TGOLN2: variants seen among roughly 807,000 people sequenced by gnomAD.
TGOLN2 encodes trans-golgi network protein 2.
A neutral mutation model predicts 31.3 loss-of-function variants in TGOLN2; 19 were observed. The observed-to-expected ratio is 0.61, with a 90% CI of 0.42 to 0.89. The LOEUF (loss-of-function observed/expected upper bound fraction) is 0.89. Among genes scored for constraint, TGOLN2 ranks in the 40% least tolerant of loss-of-function variants. TGOLN2 has a pLI of 0.00. For synonymous variants in TGOLN2, 222 were observed against 226.7 expected (o/e 0.98, Z 0.19); for missense variants, 540 against 559.2 (o/e 0.97, Z 0.35).
rs781759237 is a variant in TGOLN2 at position 85,326,647 on chromosome 2, G to A, written c.1085C>T (p.Ser362Phe). ...SENREGTLSD[S>F]TGSEKDDLYP... ...AAGGTCATCCTTCTCGCTACCCGTG[G>A]AATCCGAAAGTGTCCCTTCACGGTT... The change falls in exon 2 of 4, where the codon TCC becomes TTC. Residue 362 changes from serine to phenylalanine, a missense_variant. Coordinates refer to ENST00000377386, the MANE Select transcript of TGOLN2 (RefSeq NM_006464.4). 3.1e-6 allele frequency: 5 copies of A among 1,614,020 alleles called. No individual in the cohort carries two copies. The East Asian group carries it at 1.1e-4, about 36-fold the overall frequency.
At position 85,320,578 on chromosome 2, in the gene TGOLN2, A is replaced by AT. The variant is rs1190622828; in HGVS notation, c.*2157dup. The AT allele has an allele frequency of 6.6e-6, 1 of 152,178 alleles. No homozygotes were observed. The highest frequency in any genetic ancestry group is 1.5e-5 in the Non-Finnish European group (1 of 68,056). 9.4% of individuals were successfully genotyped at this position (152,178 alleles called of 1,614,324 possible). On this transcript the variant is annotated 3_prime_UTR_variant, in exon 4 of 4. Transcript: ENST00000377386. ...ACAGGCTGATGGACAGAAGAGAGAA[A>AT]TTCCTTTCAATGACAACCAAGCTGA...
intron 2 of TGOLN2, among the ~76,000 whole-genome samples, chr2:85,325,791 T>C (rs1682711189): frequency 1.3e-5 from 2 of 152,236 alleles, no homozygotes; most frequent in Admixed American, 1.3e-4. Flanking sequence ...AATGCACATT[T>C]TTACTAAAGG....
rs1682736067 is a variant in TGOLN2, at chr2:85,326,538, GACAGCC to G, written c.1188_1193del (p.Ala397_Val398del). 1 of 1,613,848 alleles carries G rather than the reference GACAGCC, an allele frequency of 6.2e-7. No individual in the cohort carries two copies. The highest frequency in any genetic ancestry group is 8.5e-7 in the Non-Finnish European group (1 of 1,179,878). On this transcript the variant is annotated inframe_deletion, in exon 2 of 4. Transcript: ENST00000377386. The stretch of plus-strand genomic sequence containing the variant: ...GCTTGTTGTGATGAGCGATATAGAG[GACAGCC>G]ACAAGAATGGCTGCAGTCACCAGAT...
chr2:85,326,694 C>T lies in TGOLN2; in HGVS notation c.1038G>A (p.Met346Ile). ...GSPPKEEKEKMSGSASSENRE... is the reference protein window; with the variant it reads ...GSPPKEEKEKISGSASSENRE... ...GGTTCTCACTGGAGGCAGAACCGGA[C>T]ATCTTTTCTTTCTCTTCTTTGGGCG... The change falls in exon 2 of 4, where the codon ATG becomes ATA. Residue 346 changes from methionine (M) to isoleucine (I), a missense_variant. Coordinates refer to ENST00000377386, the MANE Select transcript of TGOLN2 (RefSeq NM_006464.4). 1 of 1,614,052 alleles carries T rather than the reference C, an allele frequency of 6.2e-7. No individual in the cohort carries two copies. The highest frequency in any genetic ancestry group is 8.5e-7 in the Non-Finnish European group (1 of 1,179,896).
In TGOLN2 at chr2:85,319,061, A is replaced by T. The variant is rs926184320; in HGVS notation, c.*3675T>A. On this transcript the variant is annotated 3_prime_UTR_variant, in exon 4 of 4. Transcript: ENST00000377386. Reference sequence around the variant, plus strand: ...GCTTGAGCGATGCCTCAGCCAGCTCACCCTCATCCACACAATCGCTAGAAA... The same window carrying T: ...GCTTGAGCGATGCCTCAGCCAGCTCTCCCTCATCCACACAATCGCTAGAAA... 1.3e-5 allele frequency: 2 copies of T among 152,158 alleles called. No homozygotes were observed. The highest frequency in any genetic ancestry group is 4.8e-5 in the African/African-American group (2 of 41,420). The allele number at this position is 152,158 out of a possible 1,614,324, so 9.4% of individuals were successfully genotyped here. A position where few individuals can be genotyped will look rare whatever the true frequency, so the allele number is the denominator to read the frequency against.
chr2:85,325,975 G>C (rs1682714709), intron 2 of TGOLN2, among the ~76,000 whole-genome samples: 1 of 152,160 alleles, frequency 6.6e-6, no homozygotes, highest in Non-Finnish European at 1.5e-5. Context: ...AAAAGTAACA[G>C]GTGTACGTGT....
rs746848116 is a variant in TGOLN2 at position 85,327,041 on chromosome 2, G to A, written c.691C>T (p.Pro231Ser). 1.9e-6 allele frequency: 3 copies of A among 1,613,348 alleles called. No individual in the cohort carries two copies. Among genetic ancestry groups the A allele is most frequent in the Non-Finnish European group, 2.5e-6 (3 of 1,179,742 alleles). ...SNKSGAEEQG[P>S]IDGPSKSGAE... ...CCCGACTTGCTGGGCCCGTCTATTG[G>A]GCCCTGCTCCTCTGCACCGGACTTG... Residue 231 changes from proline (P) to serine (S), a missense_variant, in exon 2 of 4, where the codon CCA becomes TCA. Pro to Ser is a moderately conservative substitution (Grantham distance 74, BLOSUM62 -1). Coordinates refer to ENST00000377386, the MANE Select transcript of TGOLN2 (RefSeq NM_006464.4).
Position 85,318,510 on chromosome 2 carries a change from G to A in TGOLN2, c.*4226C>T, listed in dbSNP as rs1682444674. ...CTCCCCAGGACTCTTGCTCAAGCAA[G>A]TCACGCCAAATCCAACCTTCCTAAC... On this transcript the variant is annotated 3_prime_UTR_variant, in exon 4 of 4. Coordinates refer to ENST00000377386, the MANE Select transcript of TGOLN2 (RefSeq NM_006464.4). The A allele has an allele frequency of 6.6e-6, 1 of 152,260 alleles. No individual in the cohort carries two copies. The highest frequency in any genetic ancestry group is 1.5e-5 in the Non-Finnish European group (1 of 68,060). The allele number at this position is 152,260 out of a possible 1,614,324, so 9.4% of individuals were successfully genotyped here. A position where few individuals can be genotyped will look rare whatever the true frequency, so the allele number is the denominator to read the frequency against.
At chr2:85,327,780 G>GT in intron 1 of TGOLN2, 95 bp from the exon 2 acceptor site, 8 of 623,798 alleles carry the variant, frequency 1.3e-5, no homozygotes, top group Non-Finnish European at 2.3e-5. Context: ...GGGGAATGGG[G>GT]ATTGGGGGGT....
Position 85,324,113 on chromosome 2 carries a change from CT to C in TGOLN2, c.1308+801del, listed in dbSNP as rs201935479. The stretch of plus-strand genomic sequence containing the variant: ...TGGATCCAGTGGCATTTGGTTTCAC[CT>C]GGGAACTTCCTAAGAATGTAGACAC... On this transcript the variant is annotated intron_variant, in intron 3 of 3. Transcript: ENST00000377386. Among the ~76,000 whole-genome samples, 1,102 of 152,104 alleles carry C rather than the reference CT, an allele frequency of 7.2e-3. 8 individuals are homozygous for C. The highest frequency in any genetic ancestry group is 0.024 in the African/African-American group (997 of 41,468).
Position 85,320,698 on chromosome 2 carries a change from G to C in TGOLN2, c.*2038C>G, listed in dbSNP as rs1033720852. On this transcript the variant is annotated 3_prime_UTR_variant, in exon 4 of 4. Transcript: ENST00000377386. Reference sequence around the variant, plus strand: ...TCCGAGGATGAAGAATGGGTTAATGGCTGAGGAGACAGTCAAAGGAATAGA... The same window carrying C: ...TCCGAGGATGAAGAATGGGTTAATGCCTGAGGAGACAGTCAAAGGAATAGA... 8 of 152,206 alleles carry C rather than the reference G, an allele frequency of 5.3e-5. No individual in the cohort carries two copies. Among genetic ancestry groups the C allele is most frequent in the African/African-American group, 1.9e-4 (8 of 41,428 alleles). 9.4% of individuals were successfully genotyped at this position (152,206 alleles called of 1,614,324 possible). A position where few individuals can be genotyped will look rare whatever the true frequency, so the allele number is the denominator to read the frequency against.
At position 85,320,403 on chromosome 2, in the gene TGOLN2, A is replaced by G; in HGVS notation, c.*2333T>C. 6.6e-6 allele frequency: 1 copy of G among 152,200 alleles called. No individual in the cohort carries two copies. The highest frequency in any genetic ancestry group is 1.9e-4 in the East Asian group (1 of 5,198). The allele number at this position is 152,200 out of a possible 1,614,324, so 9.4% of individuals were successfully genotyped here. On this transcript the variant is annotated 3_prime_UTR_variant, in exon 4 of 4. Transcript: ENST00000377386. ...AAGCAAAATGGGCTGGGGGTGTGCA[A>G]TAAGAGAAGCAAGGAAAATGGAAAG... is the stretch of plus-strand genomic sequence containing the variant.
At position 85,319,503 on chromosome 2, in the gene TGOLN2, C is replaced by T. The variant is rs1682478495; in HGVS notation, c.*3233G>A. 1 of 152,066 alleles carries T rather than the reference C, an allele frequency of 6.6e-6. No individual in the cohort carries two copies. Among genetic ancestry groups the T allele is most frequent in the South Asian group, 2.1e-4 (1 of 4,810 alleles). 9.4% of individuals were successfully genotyped at this position (152,066 alleles called of 1,614,324 possible). On this transcript the variant is annotated 3_prime_UTR_variant, in exon 4 of 4. Coordinates refer to ENST00000377386, the MANE Select transcript of TGOLN2 (RefSeq NM_006464.4). ...CTTCAGTGCAATTTCTAAAGAGAAA[C>T]TTAAATCCTGTTGTATTCTTTCAAC... is the stretch of plus-strand genomic sequence containing the variant.
Position 85,324,996 on chromosome 2 carries a change from G to A in TGOLN2, c.1227C>T (p.Ile409=), listed in dbSNP as rs1183804321. 1.9e-6 allele frequency: 3 copies of A among 1,551,884 alleles called. No individual in the cohort carries two copies. Among genetic ancestry groups the A allele is most frequent in the Admixed American group, 3.9e-5 (2 of 51,006 alleles). ...TTTTTCCTTCCAGGACAAAAGCAATGATCTGAGGAAAGGAAAAAGAAAATG... is the reference window on the plus strand; with the variant it reads ...TTTTTCCTTCCAGGACAAAAGCAATAATCTGAGGAAAGGAAAAAGAAAATG... The part of the protein sequence containing the change: ...LYIAHHNKRK[I]IAFVLEGKRS... The change falls in exon 3 of 4, where the codon ATC becomes ATT. Residue 409 remains isoleucine, a splice_region_variant and synonymous_variant. Transcript: ENST00000377386.
chr2:85,327,602 G>T lies in TGOLN2; in HGVS notation c.130C>A (p.Pro44Thr). The T allele has an allele frequency of 6.2e-7, 1 of 1,614,076 alleles. No homozygotes were observed. Among genetic ancestry groups the T allele is most frequent in the Non-Finnish European group, 8.5e-7 (1 of 1,179,904 alleles). Residue 44 changes from proline to threonine, a missense_variant, in exon 2 of 4, where the codon CCC (proline) becomes ACC (threonine). By Grantham distance (38) the Pro-to-Thr change is conservative (BLOSUM62 -1). Coordinates refer to ENST00000377386, the MANE Select transcript of TGOLN2 (RefSeq NM_006464.4). ...CCTCCAGGCCGTTGGCTCAAGCTGGGGTGGGTGGAGACGTTTCCTGCAGAA... is the reference window on the plus strand; with the variant it reads ...CCTCCAGGCCGTTGGCTCAAGCTGGTGTGGGTGGAGACGTTTCCTGCAGAA... ...RPSAGNVSTH[P>T]SLSQRPGGST...
Position 85,327,514 on chromosome 2 carries a change from TCC to T in TGOLN2, c.216_217del (p.Glu73GlyfsTer37). The stretch of plus-strand genomic sequence containing the variant: ...GGGGGTGTCTTCTGGGGTCTGCGCC[TCC>T]GCACTCGACTTGCTAGGGCTGTCTT... On this transcript the variant is annotated frameshift_variant, in exon 2 of 4. Coordinates refer to ENST00000377386, the MANE Select transcript of TGOLN2 (RefSeq NM_006464.4). LOFTEE classifies it high-confidence loss of function. The T allele has an allele frequency of 6.2e-7, 1 of 1,614,032 alleles. No individual in the cohort carries two copies. Among genetic ancestry groups the T allele is most frequent in the African/African-American group, 1.3e-5 (1 of 75,064 alleles).
At position 85,320,306 on chromosome 2, in the gene TGOLN2, G is replaced by C. The variant is rs4459734; in HGVS notation, c.*2430C>G. ...TTTGGAAAGATCAGTCTTTCCAAGA[G>C]TGAGCTCCTTTCCAAGAAGCTGGAC... On this transcript the variant is annotated 3_prime_UTR_variant, in exon 4 of 4. Transcript: ENST00000377386. 1.5e-4 allele frequency: 23 copies of C among 152,174 alleles called. No homozygotes were observed. The highest frequency in any genetic ancestry group is 5.1e-4 in the African/African-American group (21 of 41,500). 9.4% of individuals were successfully genotyped at this position (152,174 alleles called of 1,614,324 possible). A position where few individuals can be genotyped will look rare whatever the true frequency, so the allele number is the denominator to read the frequency against.
In TGOLN2 at chr2:85,320,061, A is replaced by G. The variant is rs574122262; in HGVS notation, c.*2675T>C. Reference sequence around the variant, plus strand: ...GGAAGGAGAAAGAAGGAAGGGAGAGAAACCTAACCAAAGAAACATGGGAAG... The same window carrying G: ...GGAAGGAGAAAGAAGGAAGGGAGAGGAACCTAACCAAAGAAACATGGGAAG... On this transcript the variant is annotated 3_prime_UTR_variant, in exon 4 of 4. Coordinates refer to ENST00000377386, the MANE Select transcript of TGOLN2 (RefSeq NM_006464.4). The G allele has an allele frequency of 6.6e-6, 1 of 152,550 alleles. No homozygotes were observed. Among genetic ancestry groups the G allele is most frequent in the Non-Finnish European group, 1.5e-5 (1 of 68,196 alleles). 9.4% of individuals were successfully genotyped at this position (152,550 alleles called of 1,614,324 possible).
intron 2 of TGOLN2, among the ~76,000 whole-genome samples, chr2:85,326,141 C>T (rs1006319173): frequency 3.9e-5 from 6 of 152,128 alleles, no homozygotes; most frequent in Non-Finnish European, 4.4e-5. Flanking sequence ...AATGACATAT[C>T]GTCTCAAGAA....
Sources: allele counts gnomAD v4.1 joint callset (sites outside exome capture counted in the v4.1 genomes callset), GRCh38; gene constraint gnomAD v4.1.1; transcripts MANE v1.5; gene names NCBI Gene and HGNC (gene_info 2026-07-23, HGNC 2026-07-21).